The following PTBP3 variants were observed in gnomAD, a reference collection of about 807,000 sequenced individuals.
The protein encoded by PTBP3 is polypyrimidine tract binding protein 3, also known as polypyrimidine tract-binding protein 3.
In PTBP3, 20 loss-of-function variants were observed where a neutral mutation model predicts 58.7. The observed-to-expected ratio is 0.34, with a 90% CI of 0.24 to 0.50. PTBP3 has a LOEUF of 0.50. Ranked by LOEUF, PTBP3 falls within the 20% of genes least tolerant of loss-of-function variation. The pLI is 0.98. For missense variants in PTBP3, 509 were observed against 637.2 expected, an observed-to-expected ratio of 0.80 and a Z score of 2.17; for synonymous variants, 185 against 219.8, an observed-to-expected ratio of 0.84 and a Z score of 1.40.
chr9:112,295,601 T>TAAAAAAAA (rs35276003), intron 2 of PTBP3, among the ~76,000 whole-genome samples: 13 of 92,486 alleles, frequency 1.4e-4, no homozygotes, highest in African/African-American at 4.7e-4. Context: ...GTTCTGTTGG[T>TAAAAAAAA]AAAAAAAAAA....
the PTBP3 span, among the ~76,000 whole-genome samples, chr9:112,369,458 CTTTAAGA>C: frequency 3.9e-5 from 6 of 152,316 alleles, no homozygotes; most frequent in Admixed American, 2.0e-4. Flanking sequence ...TATTTTGCAG[CTTTAAGA>C]TTTGACTATC....
At chr9:112,372,434 A>C in the PTBP3 span, among the ~76,000 whole-genome samples, 1 of 152,188 alleles carries the variant, frequency 6.6e-6, no homozygotes, top group Non-Finnish European at 1.5e-5. Context: ...TGAAATTAAC[A>C]ATCTTAAAGT....
intron 1 of PTBP3, among the ~76,000 whole-genome samples, chr9:112,328,479 C>A (rs1171910096): frequency 6.6e-6 from 1 of 152,200 alleles, no homozygotes; most frequent in Non-Finnish European, 1.5e-5. Context: ...AGTCAGAAAG[C>A]CAAATTTTGT....
the PTBP3 span, among the ~76,000 whole-genome samples, chr9:112,359,235 G>A: frequency 6.6e-6 from 1 of 150,922 alleles, no homozygotes; most frequent in African/African-American, 2.4e-5. Context: ...GAGGTCAGGA[G>A]TTTGAGACCA....
chr9:112,310,834 T>G (rs949918158), intron 1 of PTBP3, among the ~76,000 whole-genome samples: 1 of 152,152 alleles, frequency 6.6e-6, no homozygotes, highest in African/African-American at 2.4e-5. Context: ...CATGTAGATA[T>G]CTGAGGGAAG....
Position 112,220,930 on chromosome 9 carries a change from G to GT in PTBP3, c.*2920_*2921insA. The GT allele has an allele frequency of 1.0e-6, 1 of 963,632 alleles. No homozygotes were observed. The highest frequency in any genetic ancestry group is 1.2e-6 in the Non-Finnish European group (1 of 810,216). The allele number at this position is 963,632 out of a possible 1,614,324, so 59.7% of individuals were successfully genotyped here. A position where few individuals can be genotyped will look rare whatever the true frequency, so the allele number is the denominator to read the frequency against. The stretch of plus-strand genomic sequence containing the variant: ...GATCAACAGAGAAAAACCATTGCTA[G>GT]AAGATACTGAATAAATGCATGCCAA... On this transcript the variant is annotated 3_prime_UTR_variant, in exon 14 of 14. Coordinates refer to ENST00000374257, the MANE Select transcript of PTBP3 (RefSeq NM_001163788.4).
intron 1 of PTBP3, among the ~76,000 whole-genome samples, chr9:112,323,743 G>C (rs190450055): frequency 1.4e-4 from 22 of 152,286 alleles, no homozygotes; most frequent in Admixed American, 1.1e-3. Flanking sequence ...AAAATAATTA[G>C]AGAATGTCCA....
At chr9:112,228,912 A>G (rs1835096169) in intron 10 of PTBP3, among the ~76,000 whole-genome samples, 1 of 152,188 alleles carries the variant, frequency 6.6e-6, no homozygotes, top group South Asian at 2.1e-4. Context: ...CCTCGCTACC[A>G]TCAAAGCTAT....
At chr9:112,252,175 T>C (rs1836151585) in intron 6 of PTBP3, 1 of 152,398 alleles carries the variant, frequency 6.6e-6, no homozygotes, top group East Asian at 1.9e-4. Context: ...TCTCCACCAA[T>C]TTAGAGCTCA....
rs780134643 is a variant in PTBP3, at chr9:112,333,524, C to G, written c.-106G>C. On this transcript the variant is annotated 5_prime_UTR_variant, in exon 1 of 14. Transcript: ENST00000374257. The stretch of plus-strand genomic sequence containing the variant: ...AGAGCAGGGACTGACGGGCTAACCG[C>G]GAGCAGAGGAAGCAGGCGGCGGCAG... The G allele has an allele frequency of 3.8e-6, 6 of 1,576,866 alleles. No homozygotes were observed. The highest frequency in any genetic ancestry group is 1.7e-4 in the Middle Eastern group (1 of 5,940).
At chr9:112,340,954 GA>G in the PTBP3 span, among the ~76,000 whole-genome samples, 1 of 151,982 alleles carries the variant, frequency 6.6e-6, no homozygotes, top group Non-Finnish European at 1.5e-5. Flanking sequence ...AGAGGATAAA[GA>G]AGTATTTTGT....
chr9:112,297,808 A>AC, intron 2 of PTBP3, 24 bp downstream of exon 2: 11 of 1,427,978 alleles, frequency 7.7e-6, no homozygotes, highest in Admixed American at 5.0e-5. Flanking sequence ...GAAATCAAAT[A>AC]TTAAAAAAAA....
intron 1 of PTBP3, among the ~76,000 whole-genome samples, chr9:112,325,335 G>A (rs533036782): frequency 6.6e-6 from 1 of 152,250 alleles, no homozygotes; most frequent in East Asian, 1.9e-4. Context: ...TGCACACTGG[G>A]GGAAGGGGGT....
chr9:112,229,564 C>CAAA (rs35366224), intron 10 of PTBP3, among the ~76,000 whole-genome samples: 25 of 141,494 alleles, frequency 1.8e-4, no homozygotes, highest in Admixed American at 1.3e-3. Context: ...GACCCTGTCT[C>CAAA]AAAAAAAAAA....
intron 5 of PTBP3, among the ~76,000 whole-genome samples, chr9:112,256,342 CTATA>C (rs1394313311): frequency 2.1e-5 from 3 of 145,464 alleles, no homozygotes; most frequent in Non-Finnish European, 4.5e-5. Context: ...TTCTACTGTA[CTATA>C]TATTTATTTA....
At chr9:112,336,072 C>T (rs1159931452), upstream of PTBP3, among the ~76,000 whole-genome samples, 1 of 152,062 alleles carries the variant, frequency 6.6e-6, no homozygotes, top group African/African-American at 2.4e-5. Flanking sequence ...CAGAGTTTCA[C>T]CATGTTGGCC....
At chr9:112,250,808 C>T (rs1345947207) in intron 7 of PTBP3, 121 bp downstream of exon 7, 1 of 1,008,468 alleles carries the variant, frequency 9.9e-7, no homozygotes, top group Non-Finnish European at 1.3e-6. Context: ...AGGATTCTTG[C>T]TTTCCTTTAT....
At chr9:112,257,536 C>T (rs57974951) in intron 5 of PTBP3, among the ~76,000 whole-genome samples, 20 of 152,024 alleles carry the variant, frequency 1.3e-4, no homozygotes, top group Non-Finnish European at 7.4e-5. Flanking sequence ...TAACACAGGA[C>T]TAAGAAGATA....
intron 9 of PTBP3, 55 bp from the exon 10 acceptor site, chr9:112,231,468 T>TA: frequency 7.0e-7 from 1 of 1,428,182 alleles, no homozygotes. Flanking sequence ...AAATTGAAAA[T>TA]AAGTTTATTT....
Sources: allele counts gnomAD v4.1 joint callset (sites outside exome capture counted in the v4.1 genomes callset), GRCh38; gene constraint gnomAD v4.1.1; transcripts MANE v1.5; gene names NCBI Gene and HGNC (gene_info 2026-07-23, HGNC 2026-07-21).